The following CREB1 variants were observed in gnomAD, a reference collection of about 807,000 sequenced individuals.
CREB1 encodes the protein cyclic AMP-responsive element-binding protein 1.
Under a neutral mutation model 42.0 loss-of-function variants are expected in CREB1, and 2 were observed. The observed-to-expected ratio is 0.05, with a 90% CI of 0.02 to 0.15. The LOEUF (loss-of-function observed/expected upper bound fraction) is 0.15. CREB1 is among the 10% of genes least tolerant of loss of function. The pLI is 1.00. For synonymous variants in CREB1, 123 were observed against 139.9 expected (o/e 0.88, Z 0.85); for missense variants, 199 against 388.9 (o/e 0.51, Z 4.11).
chr2:207,570,101 C>A, intron 4 of CREB1, 78 bp from the exon 5 acceptor site: 10 of 701,468 alleles, frequency 1.4e-5, no homozygotes, highest in African/African-American at 2.0e-5. Flanking sequence ...TGTGAGTTTT[C>A]TCATCTTTAA....
Position 207,601,647 on chromosome 2 carries a change from A to G in CREB1, c.*4589A>G, listed in dbSNP as rs2087073332. 1 of 211,728 alleles carries G rather than the reference A, an allele frequency of 4.7e-6. No homozygotes were observed. The allele number at this position is 211,728 out of a possible 1,614,324, so 13.1% of individuals were successfully genotyped here. A position where few individuals can be genotyped will look rare whatever the true frequency, so the allele number is the denominator to read the frequency against. ...TCCATTAATTTGTCTAGAATAGTAC[A>G]AGACTTTTTAAAGCAATTGTCCTCA... On this transcript the variant is annotated 3_prime_UTR_variant, in exon 8 of 8. Coordinates refer to ENST00000353267, the MANE Select transcript of CREB1 (RefSeq NM_004379.5).
At chr2:207,542,151 T>C (rs1000252996) in intron 1 of CREB1, among the ~76,000 whole-genome samples, 3 of 152,216 alleles carry the variant, frequency 2.0e-5, no homozygotes, top group Non-Finnish European at 4.4e-5. Context: ...TTGACTTGCC[T>C]TCATTTCTCT....
At chr2:207,540,069 G>C (rs973749825) in intron 1 of CREB1, among the ~76,000 whole-genome samples, 14 of 152,264 alleles carry the variant, frequency 9.2e-5, no homozygotes, top group Admixed American at 2.0e-4. Flanking sequence ...GAGATATACA[G>C]TCATGCACTG....
At chr2:207,596,115 T>C (rs565414736) in intron 7 of CREB1, among the ~76,000 whole-genome samples, 1 of 152,324 alleles carries the variant, frequency 6.6e-6, no homozygotes, top group African/African-American at 2.4e-5. Context: ...TACGGTTAGG[T>C]CTTTGATCTA....
At chr2:207,536,745 T>C (rs375601818) in intron 1 of CREB1, among the ~76,000 whole-genome samples, 14 of 152,004 alleles carry the variant, frequency 9.2e-5, no homozygotes, top group African/African-American at 3.4e-4. Flanking sequence ...ATCCCGGCAC[T>C]TTGGGAGGTC....
chr2:207,592,355 C>G (rs988738641), intron 7 of CREB1, among the ~76,000 whole-genome samples: 18 of 151,974 alleles, frequency 1.2e-4, no homozygotes, highest in Non-Finnish European at 2.4e-4. Flanking sequence ...TGCAGTAGCC[C>G]AGATCACGCC....
intron 6 of CREB1, chr2:207,577,052 CTTCT>C: frequency 3.2e-6 from 3 of 949,370 alleles, no homozygotes; most frequent in Non-Finnish European, 3.8e-6. Flanking sequence ...AATGCTTTAT[CTTCT>C]TTTTCATTTT....
rs912907056 is a variant in CREB1 at position 207,605,069 on chromosome 2, T to C, written c.*8011T>C. Among the ~76,000 whole-genome samples, 1 of 152,182 alleles carries C rather than the reference T, an allele frequency of 6.6e-6. No homozygotes were observed. Among genetic ancestry groups the C allele is most frequent in the African/African-American group, 2.4e-5 (1 of 41,442 alleles). On this transcript the variant is annotated 3_prime_UTR_variant, in exon 8 of 8. Transcript: ENST00000353267. ...AAGTATTTGAGTCCGTGTTTTCAAT[T>C]ATTTGGGGTATATGCCTGGGAGTGG...
At chr2:207,594,352 T>G (rs1053489378) in intron 7 of CREB1, among the ~76,000 whole-genome samples, 2 of 152,174 alleles carry the variant, frequency 1.3e-5, no homozygotes, top group Admixed American at 6.5e-5. Flanking sequence ...AAATTGAAAC[T>G]CTGTACCCGG....
chr2:207,532,449 C>A (rs1264548566), intron 1 of CREB1, among the ~76,000 whole-genome samples: 2 of 151,876 alleles, frequency 1.3e-5, no homozygotes, highest in African/African-American at 4.8e-5. Context: ...CCGAGGCAGG[C>A]GGCTCACGAG....
At chr2:207,583,760 C>T (rs761382993) in intron 7 of CREB1, among the ~76,000 whole-genome samples, 8 of 152,190 alleles carry the variant, frequency 5.3e-5, no homozygotes, top group Non-Finnish European at 8.8e-5. Context: ...TCTGTCACCA[C>T]AATGCCATAT....
At position 207,575,210 on chromosome 2, in the gene CREB1, G is replaced by A. The variant is rs2082528612; in HGVS notation, c.506-62G>A. On this transcript the variant is annotated intron_variant, in intron 5 of 7. Transcript: ENST00000353267. ...TTTTACAAATTATTCTACATTGGAT[G>A]TAATGTTTTAAAAGTCTTATATGGT... 1.3e-5 allele frequency: 19 copies of A among 1,466,204 alleles called. No individual in the cohort carries two copies. In the South Asian group the frequency reaches 2.2e-4, roughly 17 times the overall value. The allele number at this position is 1,466,204 out of a possible 1,614,324, so 90.8% of individuals were successfully genotyped here. A position where few individuals can be genotyped will look rare whatever the true frequency, so the allele number is the denominator to read the frequency against.
At position 207,600,989 on chromosome 2, in the gene CREB1, CTCTGTT is replaced by C. The variant is rs199601798; in HGVS notation, c.*3933_*3938del. ...CAGTCAGCTATTACCATAAATTGGT[CTCTGTT>C]TATTTTGAAGATCACGGCTGCTTCA... is the stretch of plus-strand genomic sequence containing the variant. On this transcript the variant is annotated 3_prime_UTR_variant, in exon 8 of 8. Transcript: ENST00000353267. 247 of 7,350 alleles carry C rather than the reference CTCTGTT, an allele frequency of 0.034. 3 individuals carry two copies. The East Asian group carries it at 0.5, about 15-fold the overall frequency. The allele number at this position is 7,350 out of a possible 1,614,324, so 0.5% of individuals were successfully genotyped here.
At position 207,562,935 on chromosome 2, in the gene CREB1, A is replaced by G. The variant is rs573021394; in HGVS notation, c.261+2563A>G. On this transcript the variant is annotated intron_variant, in intron 3 of 7. Transcript: ENST00000353267. ...GTTCTGCTTGCTATAAAAGACAGCA[A>G]TGAGCAAATAATACTTCTCTGTTCT... Among the ~76,000 whole-genome samples the G allele has an allele frequency of 4.7e-4, 72 of 152,344 alleles. No homozygotes were observed. In the South Asian group the frequency reaches 8.1e-3, roughly 17 times the overall value.
chr2:207,530,388 GGGGCGGCGGGCGGC>G (rs1178876684), intron 1 of CREB1, among the ~76,000 whole-genome samples: 35 of 147,782 alleles, frequency 2.4e-4, no homozygotes, highest in African/African-American at 6.6e-4. Flanking sequence ...CTCATGGCGG[GGGGCGGCGGGCGGC>G]GGGCGGCGGG....
chr2:207,555,659 G>A lies in CREB1; in HGVS notation c.24G>A (p.Glu8=). MTMESGA[E]NQQSGDAAVT... Reference sequence around the variant, plus strand: ...AAATGACCATGGAATCTGGAGCCGAGAACCAGCAGAGTGGAGATGCAGCTG... The same window carrying A: ...AAATGACCATGGAATCTGGAGCCGAAAACCAGCAGAGTGGAGATGCAGCTG... The change falls in exon 2 of 8, where the codon GAG becomes GAA. Residue 8 remains glutamate (E), a synonymous_variant. Transcript: ENST00000353267. The A allele has an allele frequency of 6.2e-7, 1 of 1,613,096 alleles. No homozygotes were observed. Among genetic ancestry groups the A allele is most frequent in the East Asian group, 2.2e-5 (1 of 44,832 alleles).
chr2:207,537,176 T>C (rs1393098251), intron 1 of CREB1, among the ~76,000 whole-genome samples: 1 of 151,950 alleles, frequency 6.6e-6, no homozygotes, highest in Non-Finnish European at 1.5e-5. Flanking sequence ...TGCCTCAGCC[T>C]CCCAAGTAGC....
At chr2:207,570,689 G>A (rs1050936014) in intron 5 of CREB1, among the ~76,000 whole-genome samples, 1 of 152,028 alleles carries the variant, frequency 6.6e-6, no homozygotes, top group East Asian at 1.9e-4. Context: ...ATATATCTCG[G>A]TATTCATTTT....
chr2:207,591,197 A>G (rs568832155), intron 7 of CREB1, among the ~76,000 whole-genome samples: 2 of 152,278 alleles, frequency 1.3e-5, no homozygotes, highest in South Asian at 2.1e-4. Context: ...TACTTAGTCT[A>G]TCATCACTGA....
Sources: allele counts gnomAD v4.1 joint callset (sites outside exome capture counted in the v4.1 genomes callset), GRCh38; gene constraint gnomAD v4.1.1; transcripts MANE v1.5; gene names NCBI Gene and HGNC (gene_info 2026-07-23, HGNC 2026-07-21).